The following LRRC4C variants were observed in gnomAD, a reference collection of about 807,000 sequenced individuals.
The protein encoded by LRRC4C is leucine-rich repeat-containing protein 4C.
Under a neutral mutation model 33.6 loss-of-function variants are expected in LRRC4C, and 5 were observed. That is an observed-to-expected ratio of 0.15 (90% CI 0.08 to 0.31). LRRC4C has a LOEUF of 0.31. LRRC4C is among the 10% of genes least tolerant of loss of function. The pLI, the probability that LRRC4C is intolerant of heterozygous loss-of-function variation, is 1.00. For synonymous variants in LRRC4C, 329 were observed against 302.0 expected (o/e 1.09, Z -0.93); for missense variants, 560 against 796.7 (o/e 0.70, Z 3.58).
intron 3 of LRRC4C, among the ~76,000 whole-genome samples, chr11:40,442,289 G>C (rs1000870642): frequency 4.7e-5 from 7 of 149,984 alleles, no homozygotes; most frequent in African/African-American, 1.7e-4. Context: ...TGTGTCACAA[G>C]TTCTTAGGCA....
chr11:40,979,998 T>C (rs1314069295), intron 1 of LRRC4C, among the ~76,000 whole-genome samples: 1 of 152,184 alleles, frequency 6.6e-6, no homozygotes, highest in Admixed American at 6.5e-5. Context: ...TTAGGTGGCA[T>C]TTAAATATCT....
chr11:40,766,259 A>G (rs945652041), intron 2 of LRRC4C, among the ~76,000 whole-genome samples: 1 of 150,876 alleles, frequency 6.6e-6, no homozygotes, highest in Admixed American at 6.6e-5. Flanking sequence ...CATGAGAGGG[A>G]AATGAAGACT....
intron 2 of LRRC4C, among the ~76,000 whole-genome samples, chr11:40,670,693 C>T (rs1002229662): frequency 6.6e-6 from 1 of 152,128 alleles, no homozygotes; most frequent in Non-Finnish European, 1.5e-5. Context: ...GGCCACTTAC[C>T]TCCTGAACTT....
chr11:40,436,392 C>T (rs1951141151), intron 3 of LRRC4C, among the ~76,000 whole-genome samples: 1 of 152,110 alleles, frequency 6.6e-6, no homozygotes, highest in Non-Finnish European at 1.5e-5. Flanking sequence ...TAACTCCTGC[C>T]CCCAAAAAGT....
At chr11:41,075,113 A>G (rs1385768442) in intron 1 of LRRC4C, among the ~76,000 whole-genome samples, 1 of 118,712 alleles carries the variant, frequency 8.4e-6, no homozygotes, top group Non-Finnish European at 1.7e-5. Context: ...GGTTAGTTAC[A>G]TATGTATACA....
At chr11:40,806,354 A>T (rs184618614) in intron 2 of LRRC4C, among the ~76,000 whole-genome samples, 4 of 152,326 alleles carry the variant, frequency 2.6e-5, no homozygotes, top group African/African-American at 9.6e-5. Flanking sequence ...GTCCACGTCC[A>T]TCTGTACCTC....
chr11:40,631,025 CT>C (rs1329247480), intron 3 of LRRC4C, among the ~76,000 whole-genome samples: 1 of 152,024 alleles, frequency 6.6e-6, no homozygotes, highest in Non-Finnish European at 1.5e-5. Flanking sequence ...AAAGTTAGCC[CT>C]TTTAAAAGGA....
At chr11:40,687,993 T>A (rs1254578081) in intron 2 of LRRC4C, among the ~76,000 whole-genome samples, 15 of 152,110 alleles carry the variant, frequency 9.9e-5, no homozygotes, top group African/African-American at 3.1e-4. Flanking sequence ...ACAGACTTTT[T>A]TTTTTTCCTG....
chr11:41,329,504 T>C (rs1365636872), intron 1 of LRRC4C, among the ~76,000 whole-genome samples: 1 of 152,240 alleles, frequency 6.6e-6, no homozygotes, highest in African/African-American at 2.4e-5. Context: ...CAAACATCTC[T>C]AATCCTTCTT....
intron 1 of LRRC4C, among the ~76,000 whole-genome samples, chr11:40,936,373 T>A (rs181276215): frequency 0.033 from 4,697 of 143,546 alleles, 154 homozygotes; most frequent in South Asian, 0.14. Flanking sequence ...AGTCTCACTC[T>A]GCTGCCCAGG....
At chr11:40,468,069 T>C (rs1196067881) in intron 3 of LRRC4C, among the ~76,000 whole-genome samples, 1 of 152,132 alleles carries the variant, frequency 6.6e-6, no homozygotes, top group Non-Finnish European at 1.5e-5. Flanking sequence ...GGCAATGCAG[T>C]TGGGAAGCTA....
chr11:40,784,290 A>G (rs542337144), intron 2 of LRRC4C, among the ~76,000 whole-genome samples: 1 of 152,310 alleles, frequency 6.6e-6, no homozygotes, highest in South Asian at 2.1e-4. Flanking sequence ...TTTACCCTAC[A>G]GAAGGCTGAA....
chr11:40,122,169 G>A (rs148054440), intron 6 of LRRC4C, among the ~76,000 whole-genome samples: 2 of 152,196 alleles, frequency 1.3e-5, no homozygotes, highest in Non-Finnish European at 2.9e-5. Context: ...CTGAATTGTT[G>A]TGTCATAATT....
At chr11:40,945,773 A>C (rs913625933) in intron 1 of LRRC4C, among the ~76,000 whole-genome samples, 1 of 152,302 alleles carries the variant, frequency 6.6e-6, no homozygotes, top group African/African-American at 2.4e-5. Flanking sequence ...AGCTGTCCTT[A>C]CTGGACAGTT....
At chr11:41,269,813 G>A (rs900134757) in intron 1 of LRRC4C, among the ~76,000 whole-genome samples, 3 of 151,996 alleles carry the variant, frequency 2.0e-5, no homozygotes, top group African/African-American at 7.2e-5. Context: ...ATTGCCTTTA[G>A]CATCCAAACT....
intron 2 of LRRC4C, among the ~76,000 whole-genome samples, chr11:40,734,999 C>T (rs1233738919): frequency 6.6e-6 from 1 of 152,096 alleles, no homozygotes; most frequent in African/African-American, 2.4e-5. Flanking sequence ...CTCTCTTCTG[C>T]AGCTGGGAGG....
At chr11:40,134,479 A>C (rs1022531720) in intron 6 of LRRC4C, among the ~76,000 whole-genome samples, 1 of 152,164 alleles carries the variant, frequency 6.6e-6, no homozygotes, top group Admixed American at 6.5e-5. Context: ...TATAAGCAAA[A>C]CTCTAAGATG....
chr11:40,415,285 A>G (rs1950286140), intron 3 of LRRC4C, among the ~76,000 whole-genome samples: 2 of 152,208 alleles, frequency 1.3e-5, no homozygotes. Flanking sequence ...TCATGCTCAG[A>G]AGAGCCAATG....
intron 1 of LRRC4C, among the ~76,000 whole-genome samples, chr11:41,042,364 G>C (rs533545147): frequency 6.6e-6 from 1 of 152,082 alleles, no homozygotes; most frequent in Non-Finnish European, 1.5e-5. Context: ...TGACCTCTGA[G>C]TCCCTTTACA....
Sources: gnomAD v4.1 joint callset for allele counts (sites outside exome capture counted in the v4.1 genomes callset) on GRCh38, gnomAD v4.1.1 for gene constraint, MANE v1.5 for transcripts, NCBI Gene and HGNC (gene_info 2026-07-23, HGNC 2026-07-21) for gene names.